VPS13C: variants seen among roughly 807,000 people sequenced by gnomAD.
VPS13C encodes the protein vacuolar protein sorting 13 homolog C, also known as intermembrane lipid transfer protein VPS13C.
A neutral mutation model predicts 456.8 loss-of-function variants in VPS13C; 358 were observed. That is an observed-to-expected ratio of 0.78 (90% confidence interval 0.72 to 0.86). VPS13C has a LOEUF of 0.86. Among genes scored for constraint, VPS13C ranks in the 40% least tolerant of loss-of-function variants. The pLI, the probability that VPS13C is intolerant of heterozygous loss-of-function variation, is 0.00. For missense variants in VPS13C, 4,818 were observed against 4,385.4 expected (o/e 1.10, Z -2.79); for synonymous variants, 1,578 against 1,486.7 (o/e 1.06, Z -1.41).
Position 61,982,547 on chromosome 15 carries a change from G to C in VPS13C, c.1941C>G (p.Phe647Leu). Residue 647 changes from phenylalanine (F) to leucine (L), a missense_variant, in exon 21 of 85, where the codon TTC becomes TTG. By Grantham distance (22) the Phe-to-Leu change is conservative. Transcript: ENST00000644861. ...GATCCAATCCCTTATTTGATTGAAA[G>C]AATTCAACCACTGCATTGACAGTTT... The part of the protein sequence containing the change: ...DAKTVNAVVE[F>L]FQSNKGLDLE... 6.2e-7 allele frequency: 1 copy of C among 1,608,174 alleles called. No individual in the cohort carries two copies. Among genetic ancestry groups the C allele is most frequent in the South Asian group, 1.1e-5 (1 of 89,724 alleles).
intron 23 of VPS13C, among the ~76,000 whole-genome samples, chr15:61,977,538 T>C (rs1416698231): frequency 2.0e-5 from 3 of 151,922 alleles, no homozygotes; most frequent in African/African-American, 4.8e-5. Context: ...CTAAGGTTGA[T>C]AATTACAGTG....
At chr15:62,049,640 A>C (rs889574607) in intron 1 of VPS13C, among the ~76,000 whole-genome samples, 1 of 152,244 alleles carries the variant, frequency 6.6e-6, no homozygotes, top group Non-Finnish European at 1.5e-5. Flanking sequence ...TCTGTGAAGA[A>C]AGTCATTGGT....
chr15:61,942,185 G>T, intron 45 of VPS13C, 118 bp from the exon 46 acceptor site: 2 of 955,688 alleles, frequency 2.1e-6, no homozygotes, highest in South Asian at 2.1e-5. Context: ...TGTTATTTAT[G>T]ATTTTGTGTA....
intron 15 of VPS13C, among the ~76,000 whole-genome samples, chr15:62,006,167 A>G (rs953748802): frequency 2.0e-5 from 3 of 151,166 alleles, no homozygotes; most frequent in Admixed American, 6.6e-5. Context: ...GGTTTGTTAC[A>G]TATGTATACA....
At chr15:61,949,684 C>A in intron 41 of VPS13C, 79 bp from the exon 42 acceptor site, 1 of 1,390,650 alleles carries the variant, frequency 7.2e-7, no homozygotes, top group Non-Finnish European at 9.7e-7. Flanking sequence ...ATATAAGTAG[C>A]ACAAGAACAG....
chr15:62,024,648 G>A (rs1200462742), intron 6 of VPS13C, among the ~76,000 whole-genome samples: 5 of 152,028 alleles, frequency 3.3e-5, no homozygotes, highest in Non-Finnish European at 5.9e-5. Context: ...ATCACATCCT[G>A]TTAATCTCTT....
intron 27 of VPS13C, among the ~76,000 whole-genome samples, chr15:61,969,654 A>G (rs1308733027): frequency 1.3e-5 from 2 of 152,208 alleles, no homozygotes; most frequent in Non-Finnish European, 2.9e-5. Flanking sequence ...TTATAAAAAA[A>G]TCATGACAGA....
chr15:61,951,887 T>A lies in VPS13C; in HGVS notation c.4393A>T (p.Thr1465Ser). Residue 1465 changes from threonine (T) to serine (S), a missense_variant, in exon 39 of 85, where the codon ACC (threonine) becomes TCC (serine). Around this residue, in one of 3 missense-constraint regions of VPS13C, gnomAD observed 4,552 missense variants for 4,130.6 expected, o/e 1.10. Coordinates refer to ENST00000644861, the MANE Select transcript of VPS13C (RefSeq NM_020821.3). ...TAAGCTTTAGCAGTCATGTCATAGGTTTTAACTTTAGCTTCCATTCCAAGT... is the reference window on the plus strand; with the variant it reads ...TAAGCTTTAGCAGTCATGTCATAGGATTTAACTTTAGCTTCCATTCCAAGT... Reference protein sequence around the residue: ...LQLGMEAKVKTYDMTAKAYLK... With the variant: ...LQLGMEAKVKSYDMTAKAYLK... 6.2e-7 allele frequency: 1 copy of A among 1,613,854 alleles called. No individual in the cohort carries two copies. The highest frequency in any genetic ancestry group is 8.5e-7 in the Non-Finnish European group (1 of 1,179,896).
intron 23 of VPS13C, 22 bp from the exon 24 acceptor site, chr15:61,977,221 ATTAT>A: frequency 7.3e-7 from 1 of 1,378,966 alleles, no homozygotes. Flanking sequence ...AATTTAAGAT[ATTAT>A]TTATTATTTT....
chr15:62,059,968 AGT>A (rs2048940461), intron 1 of VPS13C, among the ~76,000 whole-genome samples: 1 of 152,250 alleles, frequency 6.6e-6, no homozygotes, highest in Admixed American at 6.5e-5. Flanking sequence ...GGCCACCCTG[AGT>A]GCAGCGAGAG....
chr15:61,875,014 A>G (rs531392824), intron 76 of VPS13C, 63 bp from the exon 77 acceptor site: 6 of 1,397,452 alleles, frequency 4.3e-6, no homozygotes, highest in Admixed American at 2.5e-5. Flanking sequence ...CTTTTACTTT[A>G]ATAGTTCAGG....
Position 61,875,773 on chromosome 15 carries a change from G to T in VPS13C, c.10297C>A (p.Leu3433Met), listed in dbSNP as rs1177951265. 1 of 1,610,446 alleles carries T rather than the reference G, an allele frequency of 6.2e-7. No homozygotes were observed. The highest frequency in any genetic ancestry group is 1.3e-5 in the African/African-American group (1 of 74,704). ...AATAAAGCTTCAACTCCTTCAGACA[G>T]ACCTCTAATTAATCCAAATGGGTTT... ...LGNPFGLIRG[L>M]SEGVEALFYE... Residue 3433 changes from leucine to methionine, a missense_variant, in exon 76 of 85, where the codon CTG becomes ATG. Transcript: ENST00000644861.
Position 62,047,552 on chromosome 15 carries a change from G to T in VPS13C, c.101-3297C>A, listed in dbSNP as rs189429800. ...AACAGTAACTGTAACAGTGAAATAA[G>T]AATAATACATTCTCCAAGTTATTTG... On this transcript the variant is annotated intron_variant, in intron 1 of 84. Coordinates refer to ENST00000644861, the MANE Select transcript of VPS13C (RefSeq NM_020821.3). 1.7e-3 allele frequency among the ~76,000 whole-genome samples: 254 copies of T among 152,230 alleles called. 1 individual carries two copies. Among genetic ancestry groups the T allele is most frequent in the Admixed American group, 3.9e-3 (60 of 15,288 alleles).
chr15:61,856,425 A>C lies in VPS13C; in HGVS notation c.10953-16T>G. 1 of 1,609,976 alleles carries C rather than the reference A, an allele frequency of 6.2e-7. No individual in the cohort carries two copies. The highest frequency in any genetic ancestry group is 1.1e-5 in the South Asian group (1 of 89,952). On this transcript the variant is annotated splice_polypyrimidine_tract_variant and intron_variant, in intron 82 of 84. Transcript: ENST00000644861. ...CAACACTCGCCTATTTTGCAAAAGA[A>C]AACAAAAACTTACAGTAAATGATGA...
At position 61,942,303 on chromosome 15, in the gene VPS13C, A is replaced by AC. The variant is rs1175929650; in HGVS notation, c.5149-237_5149-236insG. On this transcript the variant is annotated intron_variant, in intron 45 of 84. Transcript: ENST00000644861. ...CATAAAATATTTTTCATTTTATAAAATATTTTATAAAATATAAAATAATTG... is the reference window on the plus strand; with the variant it reads ...CATAAAATATTTTTCATTTTATAAAACTATTTTATAAAATATAAAATAATTG... 4.0e-5 allele frequency among the ~76,000 whole-genome samples: 6 copies of AC among 151,576 alleles called. No homozygotes were observed. In the East Asian group the frequency reaches 1.2e-3, roughly 29 times the overall value.
chr15:61,977,786 T>C (rs1251203011), intron 23 of VPS13C, among the ~76,000 whole-genome samples: 1 of 152,096 alleles, frequency 6.6e-6, no homozygotes, highest in Admixed American at 6.5e-5. Context: ...TTATCACTTA[T>C]AATCCAATTA....
chr15:62,005,393 T>G (rs1165621473), intron 15 of VPS13C, among the ~76,000 whole-genome samples: 2 of 152,212 alleles, frequency 1.3e-5, no homozygotes, highest in Non-Finnish European at 2.9e-5. Flanking sequence ...CATCCTTTTA[T>G]TTTGAGCCTA....
At chr15:61,972,844 A>T in intron 26 of VPS13C, 80 bp from the exon 27 acceptor site, 1 of 1,406,646 alleles carries the variant, frequency 7.1e-7, no homozygotes, top group Non-Finnish European at 9.6e-7. Flanking sequence ...AAATCTCTAA[A>T]AAGTGAAATT....
rs28411984 is a variant in VPS13C, at chr15:61,929,393, A to C, written c.6286+108T>G. ...GTTTTTATATAGAATATGTTTAAATATAAAAGACTAATTTTACGTTCTTAA... is the reference window on the plus strand; with the variant it reads ...GTTTTTATATAGAATATGTTTAAATCTAAAAGACTAATTTTACGTTCTTAA... On this transcript the variant is annotated intron_variant, in intron 51 of 84. Transcript: ENST00000644861. The C allele has an allele frequency of 0.62, 852,875 of 1,385,706 alleles. 267,618 individuals carry two copies. Among genetic ancestry groups the C allele is most frequent in the East Asian group, 0.86 (35,336 of 40,862 alleles). 85.8% of individuals were successfully genotyped at this position (1,385,706 alleles called of 1,614,324 possible).
Sources: allele counts gnomAD v4.1 joint callset (sites outside exome capture counted in the v4.1 genomes callset), GRCh38; gene constraint gnomAD v4.1.1; regional missense constraint gnomAD v4.1.1; transcripts MANE v1.5; gene names NCBI Gene and HGNC (gene_info 2026-07-23, HGNC 2026-07-21).